Variants in RAVER2 observed in about 807,000 individuals in gnomAD.
RAVER2 encodes ribonucleoprotein PTB-binding 2.
In RAVER2, 46 loss-of-function variants were observed where a neutral mutation model predicts 78.1. The observed-to-expected ratio is 0.59, with a 90% CI of 0.46 to 0.75. RAVER2 has a LOEUF of 0.75. Among genes scored for constraint, RAVER2 ranks in the 30% least tolerant of loss-of-function variants. RAVER2 has a pLI of 0.00. For synonymous variants in RAVER2, 311 were observed against 313.3 expected, an observed-to-expected ratio of 0.99 and a Z score of 0.08; for missense variants, 793 against 837.5, an observed-to-expected ratio of 0.95 and a Z score of 0.66.
chr1:64,746,345 C>A (rs1651537979), intron 1 of RAVER2, among the ~76,000 whole-genome samples: 1 of 152,150 alleles, frequency 6.6e-6, no homozygotes, highest in Admixed American at 6.5e-5. Flanking sequence ...GAAATCATTT[C>A]TTTGATTCTT....
chr1:64,752,650 C>T (rs1276470643), intron 1 of RAVER2, among the ~76,000 whole-genome samples: 1 of 152,128 alleles, frequency 6.6e-6, no homozygotes, highest in Non-Finnish European at 1.5e-5. Context: ...CTATCCCCAT[C>T]TGTAGGGGTG....
intron 1 of RAVER2, among the ~76,000 whole-genome samples, chr1:64,766,051 G>A (rs751922175): frequency 2.8e-4 from 42 of 152,118 alleles, no homozygotes; most frequent in African/African-American, 8.9e-4. Flanking sequence ...GCTTTGCCAT[G>A]GAAGCTATTG....
At chr1:64,812,950 T>C (rs1237186986) in intron 10 of RAVER2, 101 bp downstream of exon 10, 1 of 728,438 alleles carries the variant, frequency 1.4e-6, no homozygotes, top group Non-Finnish European at 2.1e-6. Context: ...ATAATACCTA[T>C]TGACCAAATT....
At chr1:64,807,592 T>TAG in intron 9 of RAVER2, 118 bp downstream of exon 9, 1 of 1,096,678 alleles carries the variant, frequency 9.1e-7, no homozygotes, top group Admixed American at 3.1e-5. Flanking sequence ...ATAGTTTACA[T>TAG]TTACTTTTCA....
exon 12 of RAVER2, chr1:64,832,590 G>T (rs962066020): frequency 4.6e-5 from 7 of 152,130 alleles, no homozygotes; most frequent in African/African-American, 1.7e-4. Flanking sequence ...CTATGATGTG[G>T]ATATCCTGTT....
chr1:64,804,875 C>A, intron 7 of RAVER2, 37 bp downstream of exon 7: 4 of 1,507,352 alleles, frequency 2.7e-6, no homozygotes, highest in Non-Finnish European at 3.7e-6. Flanking sequence ...AAAATCAGTT[C>A]ATTTCTTTTC....
chr1:64,805,311 C>A (rs1390786347), intron 8 of RAVER2, among the ~76,000 whole-genome samples: 1 of 152,092 alleles, frequency 6.6e-6, no homozygotes, highest in Non-Finnish European at 1.5e-5. Context: ...ATAAGACTTC[C>A]CCTATTGGAT....
At chr1:64,782,475 G>A (rs193246457) in intron 4 of RAVER2, among the ~76,000 whole-genome samples, 6 of 152,340 alleles carry the variant, frequency 3.9e-5, no homozygotes, top group East Asian at 1.9e-4. Context: ...GTGTGACAAC[G>A]AATGGATGAG....
intron 1 of RAVER2, among the ~76,000 whole-genome samples, chr1:64,751,911 G>A (rs769700447): frequency 2.6e-5 from 4 of 151,790 alleles, no homozygotes; most frequent in Non-Finnish European, 5.9e-5. Context: ...CATGTGTCTC[G>A]GCTGTTTGTA....
At chr1:64,826,702 C>A (rs200603428) in intron 11 of RAVER2, among the ~76,000 whole-genome samples, 181 of 152,220 alleles carry the variant, frequency 1.2e-3, no homozygotes, top group Non-Finnish European at 2.0e-3. Flanking sequence ...GTTTAACATG[C>A]CTAGCTGCTG....
At chr1:64,804,092 C>A (rs1026984002) in intron 6 of RAVER2, among the ~76,000 whole-genome samples, 2 of 152,140 alleles carry the variant, frequency 1.3e-5, no homozygotes, top group African/African-American at 4.8e-5. Flanking sequence ...CTCCTTTGGT[C>A]TTTTCTCCTG....
At chr1:64,822,217 G>A (rs1206991695) in intron 11 of RAVER2, among the ~76,000 whole-genome samples, 1 of 152,204 alleles carries the variant, frequency 6.6e-6, no homozygotes, top group Non-Finnish European at 1.5e-5. Flanking sequence ...GAACCCGGGA[G>A]GCAGAGCTTG....
At chr1:64,818,493 G>A (rs548456722) in intron 11 of RAVER2, among the ~76,000 whole-genome samples, 71 of 152,248 alleles carry the variant, frequency 4.7e-4, no homozygotes, top group African/African-American at 1.7e-3. Context: ...CCGAGATTGC[G>A]CCACTGCACT....
At chr1:64,791,770 GA>G (rs1188158087) in intron 5 of RAVER2, among the ~76,000 whole-genome samples, 2 of 152,148 alleles carry the variant, frequency 1.3e-5, no homozygotes, top group Non-Finnish European at 2.9e-5. Flanking sequence ...TCAGTTACTG[GA>G]AAGTTTTTAT....
At chr1:64,752,879 C>T (rs1234751882) in intron 1 of RAVER2, among the ~76,000 whole-genome samples, 1 of 152,080 alleles carries the variant, frequency 6.6e-6, no homozygotes, top group Non-Finnish European at 1.5e-5. Flanking sequence ...ATGGCTCTGG[C>T]TGCAGCTGAC....
At chr1:64,774,164 A>G (rs1431452674) in intron 2 of RAVER2, among the ~76,000 whole-genome samples, 2 of 152,198 alleles carry the variant, frequency 1.3e-5, no homozygotes, top group African/African-American at 2.4e-5. Flanking sequence ...TTTGCTGTGC[A>G]GAAGCTCTTT....
intron 9 of RAVER2, among the ~76,000 whole-genome samples, chr1:64,811,157 C>A (rs1653593838): frequency 6.6e-6 from 1 of 152,124 alleles, no homozygotes; most frequent in Non-Finnish European, 1.5e-5. Flanking sequence ...AATAAAGATG[C>A]AGTATTAAAT....
chr1:64,802,523 G>A (rs936063645), intron 5 of RAVER2, among the ~76,000 whole-genome samples: 1 of 151,972 alleles, frequency 6.6e-6, no homozygotes, highest in Admixed American at 6.6e-5. Flanking sequence ...ATTTTATTAT[G>A]TAAATATTTT....
At chr1:64,769,429 G>A (rs1239262837) in intron 2 of RAVER2, among the ~76,000 whole-genome samples, 3 of 151,992 alleles carry the variant, frequency 2.0e-5, no homozygotes, top group Admixed American at 1.3e-4. Context: ...TGAATTTGGT[G>A]CATATTTTCC....
Sources: allele counts gnomAD v4.1 joint callset (sites outside exome capture counted in the v4.1 genomes callset), GRCh38; gene constraint gnomAD v4.1.1; transcripts MANE v1.5; gene names NCBI Gene and HGNC (gene_info 2026-07-23, HGNC 2026-07-21).